Variants in AP2B1 observed in about 807,000 individuals in gnomAD.
AP2B1 encodes adaptor related protein complex 2 subunit beta 1.
AP2B1 carries 23 observed loss-of-function variants against 102.0 expected under a neutral mutation model. The observed-to-expected ratio is 0.23, with a 90% confidence interval of 0.16 to 0.32. The LOEUF (loss-of-function observed/expected upper bound fraction) is 0.32. AP2B1 is among the 10% of genes least tolerant of loss of function. The pLI, the probability that AP2B1 is intolerant of heterozygous loss-of-function variation, is 1.00. For synonymous variants in AP2B1, 381 were observed against 421.2 expected, an observed-to-expected ratio of 0.90 and a Z score of 1.17; for missense variants, 541 against 1,157.4, an observed-to-expected ratio of 0.47 and a Z score of 7.73.
chr17:35,655,796 A>G (rs982482639), intron 13 of AP2B1, among the ~76,000 whole-genome samples: 1 of 152,210 alleles, frequency 6.6e-6, no homozygotes, highest in Non-Finnish European at 1.5e-5. Flanking sequence ...ATTGTCAGCA[A>G]TGCTTGGTAG....
In AP2B1 at chr17:35,647,891, G is replaced by T. The variant is rs868744614; in HGVS notation, c.1537-2639G>T. ...TGAGTTTTTTGGGTTTTGGGGGTTT[G>T]TTTTTTTTTTTTTCTTTTGAGACAG... On this transcript the variant is annotated intron_variant, in intron 12 of 21. Coordinates refer to ENST00000610402, the MANE Select transcript of AP2B1 (RefSeq NM_001030006.2). Among the ~76,000 whole-genome samples the T allele has an allele frequency of 5.3e-3, 755 of 143,132 alleles. 3 individuals carry two copies. Among genetic ancestry groups the T allele is most frequent in the African/African-American group, 0.015 (599 of 39,018 alleles). The allele number at this position is 143,132 out of a possible 152,430, so 93.9% of individuals were successfully genotyped here. A position where few individuals can be genotyped will look rare whatever the true frequency, so the allele number is the denominator to read the frequency against.
At chr17:35,698,730 A>T (rs1257125205) in intron 18 of AP2B1, among the ~76,000 whole-genome samples, 3 of 152,196 alleles carry the variant, frequency 2.0e-5, no homozygotes, top group African/African-American at 7.2e-5. Context: ...ATGGCTTTAC[A>T]GGGGCAGGGT....
chr17:35,597,505 A>T (rs1444856867), intron 2 of AP2B1, among the ~76,000 whole-genome samples: 1 of 152,176 alleles, frequency 6.6e-6, no homozygotes, highest in African/African-American at 2.4e-5. Context: ...TTTCAAGATT[A>T]TTCTTGTTTG....
intron 1 of AP2B1, among the ~76,000 whole-genome samples, chr17:35,589,811 T>C (rs1185816235): frequency 6.6e-6 from 1 of 152,222 alleles, no homozygotes; most frequent in African/African-American, 2.4e-5. Flanking sequence ...TCTCTGGCTC[T>C]TCTGAAGGAA....
intron 3 of AP2B1, among the ~76,000 whole-genome samples, chr17:35,601,662 A>G (rs2073488375): frequency 6.6e-6 from 1 of 152,184 alleles, no homozygotes. Context: ...GATTTAACCC[A>G]CAGGCGGTAG....
chr17:35,691,827 T>G (rs2076048287), intron 18 of AP2B1, among the ~76,000 whole-genome samples: 1 of 152,252 alleles, frequency 6.6e-6, no homozygotes. Flanking sequence ...GAAAATTACT[T>G]ACTGTGATTG....
At chr17:35,642,014 G>A (rs1269763700) in intron 12 of AP2B1, 39 bp downstream of exon 12, 1 of 1,480,540 alleles carries the variant, frequency 6.8e-7, no homozygotes, top group Non-Finnish European at 9.4e-7. Context: ...GATTTGTCTT[G>A]TTTCAAATTG....
intron 10 of AP2B1, 34 bp from the exon 11 acceptor site, chr17:35,639,561 C>A: frequency 6.4e-7 from 1 of 1,572,730 alleles, no homozygotes; most frequent in Non-Finnish European, 8.6e-7. Flanking sequence ...CTTAGTTTTG[C>A]CCTCAATAAC....
chr17:35,662,956 T>C lies in AP2B1; in HGVS notation c.1989+5165T>C, dbSNP rs539576606. Among the ~76,000 whole-genome samples, 3 of 152,322 alleles carry C rather than the reference T, an allele frequency of 2.0e-5. No individual in the cohort carries two copies. The South Asian group carries it at 6.2e-4, about 32-fold the overall frequency. ...TGCTGTGTGCCCAGCTTGAGTGGTA[T>C]GGAATTGAAGAGAAACTGCCTTTTC... On this transcript the variant is annotated intron_variant, in intron 14 of 21. Transcript: ENST00000610402.
At chr17:35,709,096 T>G (rs1054203351) in intron 18 of AP2B1, 128 bp from the exon 19 acceptor site, 3 of 757,894 alleles carry the variant, frequency 4.0e-6, no homozygotes, top group Non-Finnish European at 6.8e-6. Context: ...TTTGTTTGAT[T>G]TGGGGAGACC....
intron 20 of AP2B1, among the ~76,000 whole-genome samples, chr17:35,713,352 T>C (rs2076489592): frequency 6.6e-6 from 1 of 152,176 alleles, no homozygotes; most frequent in African/African-American, 2.4e-5. Context: ...GGCCAACATT[T>C]TCCCACATTA....
chr17:35,715,076 A>T (rs2076526840), intron 20 of AP2B1, among the ~76,000 whole-genome samples: 1 of 152,208 alleles, frequency 6.6e-6, no homozygotes, highest in South Asian at 2.1e-4. Context: ...AAATCTTCAA[A>T]CTCAAACCTA....
At chr17:35,722,176 G>A (rs1445801389) in intron 21 of AP2B1, among the ~76,000 whole-genome samples, 1 of 152,146 alleles carries the variant, frequency 6.6e-6, no homozygotes, top group African/African-American at 2.4e-5. Flanking sequence ...CCTGGGAGGT[G>A]GAGGTTGCAG....
intron 7 of AP2B1, among the ~76,000 whole-genome samples, chr17:35,627,076 T>C (rs1172223770): frequency 6.6e-6 from 1 of 152,132 alleles, no homozygotes; most frequent in African/African-American, 2.4e-5. Flanking sequence ...AAGGGTCTCT[T>C]TCTGATATAC....
At chr17:35,637,131 A>T (rs1252206508) in intron 10 of AP2B1, among the ~76,000 whole-genome samples, 2 of 152,230 alleles carry the variant, frequency 1.3e-5, no homozygotes, top group African/African-American at 4.8e-5. Context: ...CTGAAAATGA[A>T]ATAAAAGCAG....
chr17:35,673,338 C>T (rs1184803050), intron 16 of AP2B1, among the ~76,000 whole-genome samples: 2 of 152,122 alleles, frequency 1.3e-5, no homozygotes, highest in African/African-American at 4.8e-5. Context: ...GCGCCCGCCA[C>T]CACTCCTAGC....
At chr17:35,657,909 TG>T in intron 14 of AP2B1, 118 bp downstream of exon 14, 1 of 847,344 alleles carries the variant, frequency 1.2e-6, no homozygotes, top group Non-Finnish European at 1.8e-6. Context: ...TAGTGTCCTT[TG>T]ATAAAGGACA....
chr17:35,717,580 T>A (rs1242223924), intron 21 of AP2B1, among the ~76,000 whole-genome samples: 2 of 152,176 alleles, frequency 1.3e-5, no homozygotes, highest in African/African-American at 4.8e-5. Context: ...AATCCATCCC[T>A]CCCCCCTGGT....
Position 35,661,324 on chromosome 17 carries a change from A to C in AP2B1, c.1989+3533A>C, listed in dbSNP as rs2075353593. Among the ~76,000 whole-genome samples the C allele has an allele frequency of 5.9e-5, 9 of 152,208 alleles. No homozygotes were observed. The South Asian group carries it at 1.9e-3, about 32-fold the overall frequency. On this transcript the variant is annotated intron_variant, in intron 14 of 21. Transcript: ENST00000610402. ...AGGACCTAGACATTGCTATTTTTAA[A>C]AAGTTACCTGGGTTATTTTAATCTT...
Sources: allele counts gnomAD v4.1 joint callset (sites outside exome capture counted in the v4.1 genomes callset), GRCh38; gene constraint gnomAD v4.1.1; transcripts MANE v1.5; gene names NCBI Gene and HGNC (gene_info 2026-07-23, HGNC 2026-07-21).